FZD6: variants seen among roughly 807,000 people sequenced by gnomAD.
FZD6 encodes the protein frizzled-6.
A neutral mutation model predicts 61.4 loss-of-function variants in FZD6; 49 were observed. The observed-to-expected ratio is 0.80, with a 90% CI of 0.63 to 1.01. The LOEUF is 1.01. Among genes scored for constraint, FZD6 ranks in the 50% least tolerant of loss-of-function variants. The pLI is 0.00. For missense variants in FZD6, 724 were observed against 848.2 expected (o/e 0.85, Z 1.82); for synonymous variants, 265 against 292.2 (o/e 0.91, Z 0.95).
chr8:103,311,183 G>A (rs1441132878), intron 2 of FZD6, among the ~76,000 whole-genome samples: 2 of 152,156 alleles, frequency 1.3e-5, no homozygotes, highest in South Asian at 2.1e-4. Context: ...CTGAGCCATT[G>A]TCACTGGATG....
In FZD6 at chr8:103,329,973, G is replaced by A. The variant is rs199954064; in HGVS notation, c.1860G>A (p.Ser620=). The A allele has an allele frequency of 9.9e-5, 159 of 1,613,996 alleles. No individual in the cohort carries two copies. The highest frequency in any genetic ancestry group is 1.6e-4 in the Middle Eastern group (1 of 6,062). Residue 620 remains serine (S), a synonymous_variant, in exon 6 of 7, where the codon TCG becomes TCA. Transcript: ENST00000358755. ...AACAGGACTGTGGTGAACCTGCCTCGCCAGCAGCATCCATCTCCAGACTCT... is the reference window on the plus strand; with the variant it reads ...AACAGGACTGTGGTGAACCTGCCTCACCAGCAGCATCCATCTCCAGACTCT... ...LREQDCGEPA[S]PAASISRLSG...
At chr8:103,308,742 T>G (rs371883491) in intron 2 of FZD6, among the ~76,000 whole-genome samples, 2 of 152,226 alleles carry the variant, frequency 1.3e-5, no homozygotes, top group Admixed American at 6.5e-5. Context: ...TGGAATGCAG[T>G]TGGTCCCTGA....
intron 2 of FZD6, among the ~76,000 whole-genome samples, chr8:103,317,149 A>T (rs1814645624): frequency 6.6e-6 from 1 of 152,194 alleles, no homozygotes; most frequent in South Asian, 2.1e-4. Context: ...AGGGCACAAG[A>T]CTCACTATCT....
Position 103,331,721 on chromosome 8 carries a change from G to A in FZD6, c.*212G>A. On this transcript the variant is annotated 3_prime_UTR_variant, in exon 7 of 7. Coordinates refer to ENST00000358755, the MANE Select transcript of FZD6 (RefSeq NM_003506.4). The stretch of plus-strand genomic sequence containing the variant: ...TATACCTGAAAACAGAAAATGTGCA[G>A]GTTAATAATATTTTTTTAATAGTGT... 3.9e-6 allele frequency: 2 copies of A among 512,538 alleles called. No homozygotes were observed. Among genetic ancestry groups the A allele is most frequent in the East Asian group, 3.7e-5 (1 of 26,946 alleles). The allele number at this position is 512,538 out of a possible 1,614,324, so 31.7% of individuals were successfully genotyped here.
In FZD6 at chr8:103,299,606, TA is replaced by T. The variant is rs200580197; in HGVS notation, c.-152-348del. 1.8e-3 allele frequency among the ~76,000 whole-genome samples: 281 copies of T among 152,350 alleles called. 1 individual carries two copies. Among genetic ancestry groups the T allele is most frequent in the East Asian group, 0.016 (83 of 5,186 alleles). On this transcript the variant is annotated intron_variant, in intron 1 of 6. Transcript: ENST00000358755. ...AGGGCCTTAGTTTTCTTGTACTTAA[TA>T]AGCTTTCCAACAGGGGCCCTTAGAT...
chr8:103,329,013 T>TTTTTTATATATATATATATATATATATA (rs143400765), intron 5 of FZD6, among the ~76,000 whole-genome samples: 1 of 115,178 alleles, frequency 8.7e-6, no homozygotes, highest in Non-Finnish European at 1.8e-5. Context: ...CATTTTAGTT[T>TTTTTTATATATATATATATATATATATA]TATATATATA....
chr8:103,317,943 G>A (rs1814678141), intron 2 of FZD6, among the ~76,000 whole-genome samples: 2 of 152,186 alleles, frequency 1.3e-5, no homozygotes, highest in Non-Finnish European at 2.9e-5. Flanking sequence ...TACTAAGGGA[G>A]TGTTTGGGAG....
chr8:103,314,397 TAGTTGCCCGC>T (rs1416638294), intron 2 of FZD6, among the ~76,000 whole-genome samples: 2 of 152,186 alleles, frequency 1.3e-5, no homozygotes, highest in African/African-American at 4.8e-5. Context: ...CACAGTTTAC[TAGTTGCCCGC>T]AGCTCCCCTT....
At chr8:103,307,746 C>G (rs1814380785) in intron 2 of FZD6, 1 of 453,518 alleles carries the variant, frequency 2.2e-6, no homozygotes, top group Non-Finnish European at 4.4e-6. Context: ...TCCTTTCCAT[C>G]TTAGGGTACC....
At chr8:103,305,203 G>T (rs1006907078) in intron 2 of FZD6, among the ~76,000 whole-genome samples, 11 of 152,152 alleles carry the variant, frequency 7.2e-5, no homozygotes, top group African/African-American at 2.7e-4. Context: ...AAACAGGAAT[G>T]TTGTATTTTT....
chr8:103,321,019 T>C (rs552325880), intron 3 of FZD6, among the ~76,000 whole-genome samples: 88 of 152,296 alleles, frequency 5.8e-4, no homozygotes, highest in Non-Finnish European at 1.0e-3. Flanking sequence ...ATAAGTTATA[T>C]TTATATGAGA....
rs755552434 is a variant in FZD6 at position 103,300,170 on chromosome 8, C to T, written c.63C>T (p.Leu21=). 6.2e-7 allele frequency: 1 copy of T among 1,601,210 alleles called. No homozygotes were observed. Among genetic ancestry groups the T allele is most frequent in the Admixed American group, 1.7e-5 (1 of 59,990 alleles). Residue 21 remains leucine (L), a synonymous_variant, in exon 2 of 7, where the codon CTC becomes CTT. Transcript: ENST00000358755. ...TACCCCTCCTAAGAGGGCACAGTCT[C>T]TTCACCTGTGAACCAATTACTGTTC... ...IFLPLLRGHS[L]FTCEPITVPR...
rs371961225 is a variant in FZD6, at chr8:103,330,047, G to A, written c.1934G>A (p.Ser645Asn). Residue 645 changes from serine to asparagine, a missense_variant, in exon 6 of 7, where the codon AGT becomes AAT. Ser to Asn is a conservative substitution (Grantham distance 46). Transcript: ENST00000358755. Reference protein sequence around the residue: ...GKGQAGSVSESARSEGRISPK... With the variant: ...GKGQAGSVSENARSEGRISPK... ...GGCCAGGCAGGCAGTGTATCTGAAA[G>A]TGCGCGGAGTGAAGGAAGGTGAGAT... 4 of 1,614,042 alleles carry A rather than the reference G, an allele frequency of 2.5e-6. No homozygotes were observed. In the African/African-American group the frequency reaches 4.0e-5, roughly 16 times the overall value.
chr8:103,322,268 C>G (rs1400865470), intron 3 of FZD6, among the ~76,000 whole-genome samples: 1 of 151,410 alleles, frequency 6.6e-6, no homozygotes, highest in Non-Finnish European at 1.5e-5. Context: ...TCAGCATAAG[C>G]CAGGCATGGT....
Position 103,318,629 on chromosome 8 carries a change from A to T in FZD6, c.217A>T (p.Ile73Phe), listed in dbSNP as rs772568156. ...PLANLECSPNIETFLCKAFVP... is the reference protein window; with the variant it reads ...PLANLECSPNFETFLCKAFVP... ...CGCAAATCTGGAATGTTCACCAAAC[A>T]TTGAAACTTTCCTCTGCAAAGCATT... Residue 73 changes from isoleucine (I) to phenylalanine (F), a missense_variant, in exon 3 of 7, where the codon ATT (isoleucine) becomes TTT (phenylalanine). Transcript: ENST00000358755. The T allele has an allele frequency of 1.3e-5, 21 of 1,611,780 alleles. No homozygotes were observed. In the East Asian group the frequency reaches 4.7e-4, roughly 36 times the overall value.
In FZD6 at chr8:103,311,454, C is replaced by T. The variant is rs1166282722; in HGVS notation, c.178-7136C>T. Among the ~76,000 whole-genome samples the T allele has an allele frequency of 2.6e-5, 4 of 151,986 alleles. No homozygotes were observed. The East Asian group carries it at 7.8e-4, about 29-fold the overall frequency. The stretch of plus-strand genomic sequence containing the variant: ...TAGAGCACAGTGTAAAACAGTGTTA[C>T]TCTCTGGGAACAGTGGTTCATACCT... On this transcript the variant is annotated intron_variant, in intron 2 of 6. Transcript: ENST00000358755.
chr8:103,298,644 T>G (rs1320060604), upstream of FZD6: 2 of 151,524 alleles, frequency 1.3e-5, no homozygotes, highest in East Asian at 3.9e-4. Flanking sequence ...GACGGCAAGG[T>G]GGAGGTGGCT....
Position 103,325,528 on chromosome 8 carries a change from A to G in FZD6, c.1392+30A>G, listed in dbSNP as rs774874477. ...AAGCTATCACTTGGATTATGTCTCTATTTACATTTAATGTAGAAAATGTTT... is the reference window on the plus strand; with the variant it reads ...AAGCTATCACTTGGATTATGTCTCTGTTTACATTTAATGTAGAAAATGTTT... On this transcript the variant is annotated intron_variant, in intron 4 of 6. Coordinates refer to ENST00000358755, the MANE Select transcript of FZD6 (RefSeq NM_003506.4). 2.0e-5 allele frequency: 29 copies of G among 1,484,342 alleles called. No homozygotes were observed. In the African/African-American group the frequency reaches 2.2e-4, roughly 11 times the overall value. The allele number at this position is 1,484,342 out of a possible 1,614,324, so 91.9% of individuals were successfully genotyped here.
At position 103,331,565 on chromosome 8, in the gene FZD6, A is replaced by G. The variant is rs910955567; in HGVS notation, c.*56A>G. 1 of 1,149,236 alleles carries G rather than the reference A, an allele frequency of 8.7e-7. No homozygotes were observed. The allele number at this position is 1,149,236 out of a possible 1,614,324, so 71.2% of individuals were successfully genotyped here. ...ATTTGTGTTACACTGGAAGTGACCT[A>G]TGCACTGTTTTGTAAGAATCACTGT... On this transcript the variant is annotated 3_prime_UTR_variant, in exon 7 of 7. Transcript: ENST00000358755.
Sources: allele counts gnomAD v4.1 joint callset (sites outside exome capture counted in the v4.1 genomes callset), GRCh38; gene constraint gnomAD v4.1.1; transcripts MANE v1.5; gene names NCBI Gene and HGNC (gene_info 2026-07-23, HGNC 2026-07-21).